CDH18: variants seen among roughly 807,000 people sequenced by gnomAD.
CDH18 encodes the protein cadherin-18.
In CDH18, 31 loss-of-function variants were observed where a neutral mutation model predicts 67.9. The ratio of observed to expected loss-of-function variants is 0.46; its 90% CI spans 0.34 to 0.62. The LOEUF (loss-of-function observed/expected upper bound fraction) is 0.62. Ranked by LOEUF, CDH18 falls within the 20% of genes least tolerant of loss-of-function variation. The probability of loss-of-function intolerance (pLI) is 0.01; values close to 1 mark genes in which losing one functional copy is unlikely to be tolerated. For missense variants in CDH18, 890 were observed against 975.5 expected (o/e 0.91, Z 1.17); for synonymous variants, 362 against 347.2 (o/e 1.04, Z -0.48).
chr5:20,100,330 G>C (rs1580241411), intron 2 of CDH18, among the ~76,000 whole-genome samples: 1 of 151,962 alleles, frequency 6.6e-6, no homozygotes, highest in East Asian at 1.9e-4. Flanking sequence ...CAGTGTTTTA[G>C]TTTTGCTGAA....
rs140857588 is a variant in CDH18, at chr5:19,571,816, T to C, written c.1016A>G (p.Lys339Arg). The change falls in exon 8 of 13, where the codon AAA becomes AGA. Residue 339 changes from lysine to arginine, a missense_variant. This residue lies in a region of CDH18 where 656 missense variants were observed against 668.1 expected (regional missense o/e 0.98). Coordinates refer to ENST00000382275, the MANE Select transcript of CDH18 (RefSeq NM_004934.5). ...TATGTTGAGGGTATATGACTTCTTTTTCTCATAGTTCAGTGGCTGTGGGGA... is the reference window on the plus strand; with the variant it reads ...TATGTTGAGGGTATATGACTTCTTTCTCTCATAGTTCAGTGGCTGTGGGGA... ...LSLKKPLNYE[K>R]KKSYTLNIEG... 3.5e-4 allele frequency: 571 copies of C among 1,612,552 alleles called. No individual in the cohort carries two copies. The highest frequency in any genetic ancestry group is 4.4e-4 in the Non-Finnish European group (520 of 1,178,752).
At position 20,137,522 on chromosome 5, in the gene CDH18, T is replaced by G. The variant is rs191398080; in HGVS notation, c.-518+117922A>C. Among the ~76,000 whole-genome samples, 182 of 152,198 alleles carry G rather than the reference T, an allele frequency of 1.2e-3. 1 individual carries two copies. The highest frequency in any genetic ancestry group is 4.2e-3 in the African/African-American group (175 of 41,550). On this transcript the variant is annotated intron_variant, in intron 2 of 14. Coordinates refer to the CDH18 transcript ENST00000507958. Reference sequence around the variant, plus strand: ...TGGTTTTTAGCTGCTTTGTAATGGGTTCGAAAATCCTCCTTTAGCTCAGAG... The same window carrying G: ...TGGTTTTTAGCTGCTTTGTAATGGGGTCGAAAATCCTCCTTTAGCTCAGAG...
chr5:20,517,348 G>A (rs1051706678), intron 1 of CDH18, among the ~76,000 whole-genome samples: 11 of 151,384 alleles, frequency 7.3e-5, no homozygotes, highest in Non-Finnish European at 1.2e-4. Context: ...GAATAAACAG[G>A]ATATTCCAAT....
At chr5:19,480,666 G>A (rs533189320) in intron 12 of CDH18, among the ~76,000 whole-genome samples, 180 of 152,176 alleles carry the variant, frequency 1.2e-3, no homozygotes, top group African/African-American at 2.3e-3. Context: ...ATGAGCCACC[G>A]CGCCCGGCCA....
intron 1 of CDH18, among the ~76,000 whole-genome samples, chr5:20,329,768 CAAAAAAAAAAAAAAA>C (rs60246535): frequency 1.6e-5 from 1 of 62,568 alleles, no homozygotes; most frequent in African/African-American, 6.2e-5. Context: ...GAAACTCCAT[CAAAAAAAAAAAAAAA>C]AAAAAAAAAA....
intron 1 of CDH18, among the ~76,000 whole-genome samples, chr5:20,449,774 T>G (rs1750286638): frequency 6.6e-6 from 1 of 151,794 alleles, no homozygotes; most frequent in Non-Finnish European, 1.5e-5. Context: ...TCCTGTAAAG[T>G]CTAGGGCAAA....
At chr5:20,352,722 G>A (rs1004263351) in intron 1 of CDH18, among the ~76,000 whole-genome samples, 6 of 151,914 alleles carry the variant, frequency 3.9e-5, no homozygotes, top group African/African-American at 2.4e-5. Flanking sequence ...GAACCTAGGA[G>A]GCAGAGCTTG....
chr5:20,196,179 T>C (rs1479877320), intron 2 of CDH18, among the ~76,000 whole-genome samples: 1 of 152,172 alleles, frequency 6.6e-6, no homozygotes, highest in Non-Finnish European at 1.5e-5. Context: ...CAATTTTCCT[T>C]TCTGACACTC....
chr5:19,885,764 T>C (rs555680572), intron 2 of CDH18, among the ~76,000 whole-genome samples: 1 of 152,280 alleles, frequency 6.6e-6, no homozygotes, highest in African/African-American at 2.4e-5. Context: ...ATGCAGCTCT[T>C]CTATTATTTT....
intron 3 of CDH18, among the ~76,000 whole-genome samples, chr5:19,783,482 A>C (rs1775360023): frequency 6.6e-6 from 1 of 152,204 alleles, no homozygotes; most frequent in South Asian, 2.1e-4. Flanking sequence ...GCCTGACAGG[A>C]GTTTAAATAA....
At chr5:20,280,094 A>C (rs1343412087) in intron 1 of CDH18, among the ~76,000 whole-genome samples, 2 of 152,244 alleles carry the variant, frequency 1.3e-5, no homozygotes, top group Non-Finnish European at 2.9e-5. Context: ...TACCTCAAAC[A>C]ATTTACAGAT....
intron 2 of CDH18, among the ~76,000 whole-genome samples, chr5:20,057,365 T>A (rs78750892): frequency 1.3e-5 from 2 of 152,186 alleles, no homozygotes; most frequent in African/African-American, 2.4e-5. Flanking sequence ...CCATCGTGAA[T>A]AATCTATGTA....
At chr5:19,992,767 A>C (rs534541800), upstream of CDH18, among the ~76,000 whole-genome samples, 1 of 151,606 alleles carries the variant, frequency 6.6e-6, no homozygotes, top group African/African-American at 2.4e-5. Context: ...AAAAAAAAGT[A>C]TATGATTTCT....
chr5:20,448,134 T>G (rs1031742432), intron 1 of CDH18, among the ~76,000 whole-genome samples: 2 of 151,840 alleles, frequency 1.3e-5, no homozygotes, highest in Non-Finnish European at 2.9e-5. Context: ...CCACCTATGA[T>G]TGAGAACATG....
intron 2 of CDH18, among the ~76,000 whole-genome samples, chr5:19,931,609 C>T (rs1275006176): frequency 6.6e-6 from 1 of 151,666 alleles, no homozygotes; most frequent in East Asian, 1.9e-4. Flanking sequence ...GGTTAGAGAT[C>T]AGATACAAAA....
intron 2 of CDH18, among the ~76,000 whole-genome samples, chr5:20,086,025 G>T (rs900656595): frequency 6.6e-6 from 1 of 152,164 alleles, no homozygotes; most frequent in South Asian, 2.1e-4. Context: ...GGCTTCTTGC[G>T]CAAAACAGTG....
chr5:20,559,066 A>G (rs1219782384), intron 1 of CDH18, among the ~76,000 whole-genome samples: 3 of 151,032 alleles, frequency 2.0e-5, no homozygotes, highest in Non-Finnish European at 4.4e-5. Flanking sequence ...ATTCCTACAA[A>G]GGGCCCAAAT....
intron 1 of CDH18, among the ~76,000 whole-genome samples, chr5:20,281,709 A>C (rs929441391): frequency 6.6e-6 from 1 of 152,128 alleles, no homozygotes; most frequent in East Asian, 1.9e-4. Flanking sequence ...TTGGTTCCAT[A>C]TGAACTTTAA....
intron 1 of CDH18, among the ~76,000 whole-genome samples, chr5:20,395,300 T>A (rs550480221): frequency 3.4e-4 from 52 of 152,310 alleles, no homozygotes; most frequent in African/African-American, 1.2e-3. Context: ...GCAATTTGAA[T>A]GGAGCTGGAA....
Sources: allele counts gnomAD v4.1 joint callset (sites outside exome capture counted in the v4.1 genomes callset), GRCh38; gene constraint gnomAD v4.1.1; regional missense constraint gnomAD v4.1.1; transcripts MANE v1.5; gene names NCBI Gene and HGNC (gene_info 2026-07-23, HGNC 2026-07-21).